ADAM22: variants seen among roughly 807,000 people sequenced by gnomAD.
The protein encoded by ADAM22 is disintegrin and metalloproteinase domain-containing protein 22.
Under a neutral mutation model 144.6 loss-of-function variants are expected in ADAM22, and 65 were observed. That is an observed-to-expected ratio of 0.45 (90% CI 0.37 to 0.55). ADAM22 has a LOEUF of 0.55. ADAM22 is among the 20% of genes least tolerant of loss of function. The probability of loss-of-function intolerance (pLI) is 0.00; values close to 1 mark genes in which losing one functional copy is unlikely to be tolerated. For synonymous variants in ADAM22, 391 were observed against 412.6 expected (o/e 0.95, Z 0.63); for missense variants, 974 against 1,184.9 (o/e 0.82, Z 2.61).
intron 18 of ADAM22, among the ~76,000 whole-genome samples, chr7:88,149,520 T>C (rs1283604316): frequency 6.6e-6 from 1 of 152,152 alleles, no homozygotes. Context: ...CACTTAGTTA[T>C]AGATAGACAA....
Position 87,935,077 on chromosome 7 carries a change from A to G in ADAM22, c.137A>G (p.Glu46Gly), listed in dbSNP as rs80075458. The change falls in exon 2 of 32, where the codon GAG becomes GGG. Residue 46 changes from glutamate (E) to glycine (G), a missense_variant. By Grantham distance (98) the Glu-to-Gly change is moderately conservative. Coordinates refer to ENST00000413139, the MANE Select transcript of ADAM22 (RefSeq NM_001324418.2). ...LEKRKENRFVERQSIVPLRLI... is the reference protein window; with the variant it reads ...LEKRKENRFVGRQSIVPLRLI... ...AAGAGGAAGGAAAACCGCTTCGTGG[A>G]GCGCCAGAGCATCGTGCCACTGCGC... is the stretch of plus-strand genomic sequence containing the variant. 1 of 1,614,116 alleles carries G rather than the reference A, an allele frequency of 6.2e-7. No individual in the cohort carries two copies. The highest frequency in any genetic ancestry group is 8.5e-7 in the Non-Finnish European group (1 of 1,180,024).
chr7:88,130,419 C>T lies in ADAM22; in HGVS notation c.785C>T (p.Thr262Ile). 1 of 1,613,206 alleles carries T rather than the reference C, an allele frequency of 6.2e-7. No homozygotes were observed. Among genetic ancestry groups the T allele is most frequent in the Non-Finnish European group, 8.5e-7 (1 of 1,179,398 alleles). ...FKKHRLSVVH[T>I]NTYAKSVVNM... ...AAACATCGGCTTTCCGTTGTACATA[C>T]CAATACCTATGCGAAATCTGTGGTG... Residue 262 changes from threonine (T) to isoleucine (I), a missense_variant, in exon 10 of 32, where the codon ACC becomes ATC. This residue lies in a region of ADAM22 where 734 missense variants were observed against 950.6 expected (regional missense o/e 0.77). Coordinates refer to ENST00000413139, the MANE Select transcript of ADAM22 (RefSeq NM_001324418.2).
intron 2 of ADAM22, among the ~76,000 whole-genome samples, chr7:87,961,223 A>G (rs1847931604): frequency 6.6e-6 from 1 of 152,160 alleles, no homozygotes; most frequent in Non-Finnish European, 1.5e-5. Context: ...AGCATTATAT[A>G]TAGAGAGAAT....
chr7:87,981,260 G>C (rs1853342889), intron 3 of ADAM22, among the ~76,000 whole-genome samples: 1 of 152,204 alleles, frequency 6.6e-6, no homozygotes, highest in Non-Finnish European at 1.5e-5. Context: ...TAACAATTAG[G>C]AAAAATATCT....
At chr7:88,013,906 A>G (rs1320318832) in intron 3 of ADAM22, among the ~76,000 whole-genome samples, 2 of 152,224 alleles carry the variant, frequency 1.3e-5, no homozygotes, top group East Asian at 3.9e-4. Flanking sequence ...TAGGTACTCA[A>G]AAATATTCAT....
intron 2 of ADAM22, among the ~76,000 whole-genome samples, chr7:87,950,834 AC>A (rs1444142500): frequency 3.3e-5 from 5 of 149,328 alleles, no homozygotes; most frequent in African/African-American, 1.2e-4. Flanking sequence ...TGCCATTCTA[AC>A]TGGTGTGAGA....
intron 2 of ADAM22, among the ~76,000 whole-genome samples, chr7:87,949,715 A>C (rs1844574591): frequency 6.6e-6 from 1 of 151,760 alleles, no homozygotes; most frequent in African/African-American, 2.4e-5. Flanking sequence ...CCTATAGCTA[A>C]GCCCCAGATA....
chr7:88,070,734 T>C (rs1487239440), intron 3 of ADAM22, among the ~76,000 whole-genome samples: 3 of 152,190 alleles, frequency 2.0e-5, no homozygotes, highest in East Asian at 3.8e-4. Context: ...GAGAGAGTTA[T>C]GCATTAGACA....
intron 3 of ADAM22, among the ~76,000 whole-genome samples, chr7:87,999,033 A>G (rs1791910936): frequency 6.6e-6 from 1 of 152,224 alleles, no homozygotes; most frequent in Non-Finnish European, 1.5e-5. Flanking sequence ...GGGTTGTTGA[A>G]GAGATTGTGG....
intron 3 of ADAM22, among the ~76,000 whole-genome samples, chr7:88,041,126 GA>G (rs1321310019): frequency 6.6e-6 from 1 of 151,978 alleles, no homozygotes; most frequent in Non-Finnish European, 1.5e-5. Flanking sequence ...GCTGATAAAG[GA>G]CCTTAATTAC....
intron 14 of ADAM22, among the ~76,000 whole-genome samples, chr7:88,141,083 C>T (rs73395795): frequency 0.021 from 3,162 of 152,206 alleles, 129 homozygotes; most frequent in African/African-American, 0.072. Flanking sequence ...TGGTTCCTCC[C>T]GTGGTGGAGA....
chr7:88,177,998 T>C (rs1846087494), intron 26 of ADAM22, among the ~76,000 whole-genome samples: 4 of 152,176 alleles, frequency 2.6e-5, no homozygotes, highest in African/African-American at 7.2e-5. Context: ...GTTGGCTATT[T>C]GGAGGCTACA....
At chr7:88,171,499 C>G in intron 25 of ADAM22, 45 bp from the exon 26 acceptor site, 2 of 1,565,224 alleles carry the variant, frequency 1.3e-6, no homozygotes, top group Non-Finnish European at 8.7e-7. Flanking sequence ...CCAGAGGTAA[C>G]TAACTCTTAT....
intron 23 of ADAM22, 152 bp from the exon 24 acceptor site, chr7:88,165,680 G>C (rs1015583827): frequency 7.1e-6 from 3 of 425,082 alleles, no homozygotes; most frequent in Non-Finnish European, 1.2e-5. Context: ...GTACTGGAGG[G>C]AGAAATAATG....
intron 4 of ADAM22, among the ~76,000 whole-genome samples, chr7:88,082,679 A>G (rs1456404260): frequency 2.6e-5 from 4 of 152,248 alleles, no homozygotes; most frequent in Admixed American, 6.5e-5. Flanking sequence ...TTTGCAAAGG[A>G]TATGAACAGA....
In ADAM22 at chr7:88,192,973, G is replaced by A. The variant is rs1403557344; in HGVS notation, c.2751-143G>A. Reference sequence around the variant, plus strand: ...CAGCATTTCACTGTTGAGAATGACAGAATATCTTCCCAGTAGTTAAATCTT... The same window carrying A: ...CAGCATTTCACTGTTGAGAATGACAAAATATCTTCCCAGTAGTTAAATCTT... On this transcript the variant is annotated intron_variant, in intron 30 of 31. Transcript: ENST00000413139. The A allele has an allele frequency of 7.6e-6, 7 of 925,148 alleles. No homozygotes were observed. The African/African-American group carries it at 1.2e-4, about 15-fold the overall frequency. 57.3% of individuals were successfully genotyped at this position (925,148 alleles called of 1,614,324 possible).
At chr7:88,092,964 C>T (rs1820337594) in intron 4 of ADAM22, among the ~76,000 whole-genome samples, 1 of 151,410 alleles carries the variant, frequency 6.6e-6, no homozygotes, top group African/African-American at 2.4e-5. Context: ...TTTTTTCCCC[C>T]AGTTAACTAT....
chr7:88,096,770 A>G (rs567959028), intron 4 of ADAM22, among the ~76,000 whole-genome samples: 1 of 152,286 alleles, frequency 6.6e-6, no homozygotes, highest in South Asian at 2.1e-4. Context: ...TGGAACAAGA[A>G]GGGACTCTGG....
At chr7:88,113,908 T>G (rs1826999625) in intron 5 of ADAM22, among the ~76,000 whole-genome samples, 1 of 150,962 alleles carries the variant, frequency 6.6e-6, no homozygotes, top group Admixed American at 6.6e-5. Context: ...AAATGGGCAG[T>G]TCGTGGTCCC....
Sources: gnomAD v4.1 joint callset for allele counts (sites outside exome capture counted in the v4.1 genomes callset) on GRCh38, gnomAD v4.1.1 for gene constraint, gnomAD v4.1.1 regional missense constraint, MANE v1.5 for transcripts, NCBI Gene and HGNC (gene_info 2026-07-23, HGNC 2026-07-21) for gene names.